Variants in TMEM181 observed in about 807,000 individuals in gnomAD.
TMEM181 encodes transmembrane protein 181, also known as G protein-coupled receptor 178.
A neutral mutation model predicts 71.9 loss-of-function variants in TMEM181; 39 were observed. That is an observed-to-expected ratio of 0.54 (90% confidence interval 0.42 to 0.71). The LOEUF (loss-of-function observed/expected upper bound fraction) is 0.71. TMEM181 is among the 30% of genes least tolerant of loss of function. The probability of loss-of-function intolerance (pLI) is 0.00; values close to 1 mark genes in which losing one functional copy is unlikely to be tolerated. For synonymous variants in TMEM181, 245 were observed against 228.8 expected (o/e 1.07, Z -0.64); for missense variants, 595 against 583.0 (o/e 1.02, Z -0.21).
At chr6:158,629,277 T>C (rs1562317233) in intron 14 of TMEM181, among the ~76,000 whole-genome samples, 1 of 152,250 alleles carries the variant, frequency 6.6e-6, no homozygotes, top group Non-Finnish European at 1.5e-5. Flanking sequence ...ACTAAGCTTT[T>C]ATCTGATTTT....
chr6:158,547,565 T>C (rs1781566539), intron 1 of TMEM181, among the ~76,000 whole-genome samples: 1 of 152,310 alleles, frequency 6.6e-6, no homozygotes, highest in Middle Eastern at 3.4e-3. Context: ...GAAGTCACCA[T>C]TGACACAGGG....
chr6:158,595,802 C>T (rs552653552), intron 6 of TMEM181, among the ~76,000 whole-genome samples: 3 of 152,174 alleles, frequency 2.0e-5, no homozygotes, highest in South Asian at 2.1e-4. Flanking sequence ...GAGCATCAAG[C>T]GGGGGGCTTC....
At chr6:158,623,495 A>C in intron 10 of TMEM181, 55 bp from the exon 11 acceptor site, 1 of 1,164,466 alleles carries the variant, frequency 8.6e-7, no homozygotes, top group Non-Finnish European at 1.2e-6. Context: ...AAAAATGTAA[A>C]ATAAAAAGTA....
intron 6 of TMEM181, among the ~76,000 whole-genome samples, chr6:158,602,130 A>T (rs1359345813): frequency 6.6e-6 from 1 of 151,972 alleles, no homozygotes; most frequent in Non-Finnish European, 1.5e-5. Flanking sequence ...TGTTATTTGC[A>T]TTTTTTTGAG....
chr6:158,625,309 C>A, intron 12 of TMEM181, 103 bp downstream of exon 12: 1 of 1,010,294 alleles, frequency 9.9e-7, no homozygotes. Flanking sequence ...CCTTGAGGGC[C>A]CAGGGACTGG....
In TMEM181 at chr6:158,547,717, G is replaced by A. The variant is rs1232222934; in HGVS notation, c.131+10852G>A. ...TGGATCTAGTTGACAGGCCCCCCAG[G>A]CCCCCTTGGTCCTGCCCATATCCAC... On this transcript the variant is annotated intron_variant, in intron 1 of 16. Coordinates refer to the TMEM181 transcript ENST00000367090. Among the ~76,000 whole-genome samples, 4 of 151,472 alleles carry A rather than the reference G, an allele frequency of 2.6e-5. No homozygotes were observed. The East Asian group carries it at 7.7e-4, about 29-fold the overall frequency.
At chr6:158,613,941 A>G (rs1055530059) in intron 10 of TMEM181, among the ~76,000 whole-genome samples, 18 of 152,206 alleles carry the variant, frequency 1.2e-4, no homozygotes, top group Non-Finnish European at 2.5e-4. Flanking sequence ...ACAATCAGAA[A>G]CACAATTGAC....
intron 2 of TMEM181, among the ~76,000 whole-genome samples, chr6:158,576,277 G>A (rs923784982): frequency 6.6e-6 from 1 of 152,170 alleles, no homozygotes; most frequent in African/African-American, 2.4e-5. Flanking sequence ...TGTTCCTAGC[G>A]CTTATAGAAA....
chr6:158,591,035 C>A (rs1224073672), intron 6 of TMEM181, among the ~76,000 whole-genome samples: 1 of 152,192 alleles, frequency 6.6e-6, no homozygotes, highest in Non-Finnish European at 1.5e-5. Context: ...ATCAGTACTT[C>A]ACTCCTTCAT....
At chr6:158,571,120 G>A (rs957700611) in intron 1 of TMEM181, among the ~76,000 whole-genome samples, 2 of 150,572 alleles carry the variant, frequency 1.3e-5, no homozygotes, top group African/African-American at 2.4e-5. Context: ...TTTTTGAGAT[G>A]GAGTCTCGTT....
chr6:158,580,340 A>G (rs1783402862), intron 2 of TMEM181, among the ~76,000 whole-genome samples: 1 of 152,204 alleles, frequency 6.6e-6, no homozygotes, highest in South Asian at 2.1e-4. Context: ...AATAGTTAAG[A>G]TGTCAAGTTC....
chr6:158,558,523 G>A (rs1018977375), upstream of TMEM181, among the ~76,000 whole-genome samples: 3 of 152,188 alleles, frequency 2.0e-5, no homozygotes, highest in Non-Finnish European at 4.4e-5. Context: ...TGGAACTGAG[G>A]CGCAGAGACA....
At position 158,633,763 on chromosome 6, in the gene TMEM181, G is replaced by A. The variant is rs1382206739; in HGVS notation, c.*1875G>A. ...AATGTTTAAGACAACTTACTGCAAG[G>A]GTAATTCAAGTTTACATGATTTTTA... On this transcript the variant is annotated 3_prime_UTR_variant, in exon 17 of 17. Coordinates refer to ENST00000684151, the MANE Select transcript of TMEM181 (RefSeq NM_001376852.1). The A allele has an allele frequency of 6.6e-6, 1 of 151,694 alleles. No individual in the cohort carries two copies. Among genetic ancestry groups the A allele is most frequent in the Non-Finnish European group, 1.5e-5 (1 of 67,940 alleles). The allele number at this position is 151,694 out of a possible 1,614,324, so 9.4% of individuals were successfully genotyped here. A position where few individuals can be genotyped will look rare whatever the true frequency, so the allele number is the denominator to read the frequency against.
intron 1 of TMEM181, among the ~76,000 whole-genome samples, chr6:158,538,437 G>T (rs140462211): frequency 1.7e-3 from 256 of 149,824 alleles, no homozygotes; most frequent in African/African-American, 5.8e-3. Flanking sequence ...TGACAGGCGT[G>T]AGCCACCATG....
intron 5 of TMEM181, among the ~76,000 whole-genome samples, chr6:158,586,153 A>G (rs1193755178): frequency 1.3e-5 from 2 of 152,120 alleles, no homozygotes; most frequent in South Asian, 4.1e-4. Context: ...GGGATAGGAA[A>G]CCTGGGTCCA....
chr6:158,536,923 C>T (rs1781131937), intron 1 of TMEM181: 1 of 1,207,726 alleles, frequency 8.3e-7, no homozygotes, highest in African/African-American at 1.6e-5. Context: ...GCAGTCCCCT[C>T]CGGGACCCCG....
intron 15 of TMEM181, among the ~76,000 whole-genome samples, chr6:158,630,651 T>C (rs985996307): frequency 3.3e-5 from 5 of 151,696 alleles, no homozygotes; most frequent in Non-Finnish European, 5.9e-5. Context: ...AACCTGACGA[T>C]GGGTTTATCA....
intron 3 of TMEM181, 110 bp downstream of exon 3, chr6:158,581,105 G>A: frequency 9.8e-7 from 1 of 1,020,118 alleles, no homozygotes; most frequent in Non-Finnish European, 1.5e-6. Flanking sequence ...TTGCCTTGCG[G>A]CTTCTCAGGC....
intron 10 of TMEM181, among the ~76,000 whole-genome samples, chr6:158,609,062 C>T (rs1344622705): frequency 6.6e-6 from 1 of 150,650 alleles, no homozygotes; most frequent in Non-Finnish European, 1.5e-5. Context: ...TGCACCACTG[C>T]ACTCCAGCCT....
Sources: gnomAD v4.1 joint callset for allele counts (sites outside exome capture counted in the v4.1 genomes callset) on GRCh38, gnomAD v4.1.1 for gene constraint, MANE v1.5 for transcripts, NCBI Gene and HGNC (gene_info 2026-07-23, HGNC 2026-07-21) for gene names.